Variants in GABRB1 observed in about 807,000 individuals in gnomAD.
GABRB1 encodes the protein gamma-aminobutyric acid type A receptor subunit beta1.
Under a neutral mutation model 51.6 loss-of-function variants are expected in GABRB1, and 17 were observed. The ratio of observed to expected loss-of-function variants is 0.33; its 90% CI spans 0.23 to 0.49. The LOEUF is 0.49. Among genes scored for constraint, GABRB1 ranks in the 20% least tolerant of loss-of-function variants. GABRB1 has a pLI of 0.99. For synonymous variants in GABRB1, 247 were observed against 218.9 expected (o/e 1.13, Z -1.14); for missense variants, 410 against 600.6 (o/e 0.68, Z 3.32).
At chr4:47,405,652 C>A (rs1034191769) in intron 7 of GABRB1, among the ~76,000 whole-genome samples, 1 of 152,092 alleles carries the variant, frequency 6.6e-6, no homozygotes, top group African/African-American at 2.4e-5. Context: ...AATATACACT[C>A]CCTATCATTT....
chr4:46,997,722 A>G (rs911690572), intron 1 of GABRB1, among the ~76,000 whole-genome samples: 1 of 149,920 alleles, frequency 6.7e-6, no homozygotes, highest in Admixed American at 6.8e-5. Context: ...ATGTGTGTGT[A>G]TATATATGTA....
intron 5 of GABRB1, among the ~76,000 whole-genome samples, chr4:47,374,534 C>T (rs1440200561): frequency 2.6e-5 from 4 of 152,140 alleles, no homozygotes; most frequent in African/African-American, 4.8e-5. Flanking sequence ...AGTAGAGTAG[C>T]GAGGGGAACT....
chr4:47,188,736 C>T (rs1719299791), intron 4 of GABRB1, among the ~76,000 whole-genome samples: 1 of 151,922 alleles, frequency 6.6e-6, no homozygotes, highest in Non-Finnish European at 1.5e-5. Context: ...AACATTTAAT[C>T]AACTAACATG....
intron 3 of GABRB1, among the ~76,000 whole-genome samples, chr4:47,093,845 G>C (rs77715242): frequency 1.3e-5 from 2 of 152,202 alleles, no homozygotes; most frequent in East Asian, 3.9e-4. Flanking sequence ...TTTATTATCC[G>C]AAAATTCCCT....
intron 4 of GABRB1, among the ~76,000 whole-genome samples, chr4:47,187,888 G>A (rs1719253772): frequency 6.6e-6 from 1 of 151,844 alleles, no homozygotes; most frequent in South Asian, 2.1e-4. Flanking sequence ...TTACCCGGAA[G>A]GCTCTTTCTC....
intron 4 of GABRB1, among the ~76,000 whole-genome samples, chr4:47,179,181 G>T (rs564627247): frequency 2.1e-4 from 32 of 152,034 alleles, no homozygotes; most frequent in African/African-American, 7.2e-4. Context: ...TGCTCTCATT[G>T]TTCACCTCCC....
chr4:47,354,995 T>TTTTTTTTG (rs1726509352), intron 5 of GABRB1, among the ~76,000 whole-genome samples: 1 of 138,936 alleles, frequency 7.2e-6, no homozygotes, highest in Non-Finnish European at 1.6e-5. Flanking sequence ...TTTTTTTTTT[T>TTTTTTTTG]TTTTTTTTTT....
chr4:47,305,891 G>T (rs1703195101), intron 4 of GABRB1, among the ~76,000 whole-genome samples: 1 of 152,056 alleles, frequency 6.6e-6, no homozygotes, highest in Non-Finnish European at 1.5e-5. Context: ...GAGTGTAAGT[G>T]GAGATATTTT....
intron 4 of GABRB1, among the ~76,000 whole-genome samples, chr4:47,187,791 TTA>T (rs1719248560): frequency 6.6e-6 from 1 of 151,900 alleles, no homozygotes; most frequent in African/African-American, 2.4e-5. Flanking sequence ...AACTTCCCTT[TTA>T]TCACTTCAAT....
At chr4:47,037,528 GT>G (rs1399892030) in intron 3 of GABRB1, among the ~76,000 whole-genome samples, 3 of 136,060 alleles carry the variant, frequency 2.2e-5, no homozygotes, top group Admixed American at 7.8e-5. Flanking sequence ...ATATATATTC[GT>G]TTTTTTTTGT....
At chr4:47,390,992 A>G (rs967194185) in intron 5 of GABRB1, among the ~76,000 whole-genome samples, 1 of 152,082 alleles carries the variant, frequency 6.6e-6, no homozygotes, top group Non-Finnish European at 1.5e-5. Flanking sequence ...CCTGGCCAAC[A>G]TGGTGAAACC....
rs191035431 is a variant in GABRB1 at position 47,083,416 on chromosome 4, A to G, written c.240+50932A>G. On this transcript the variant is annotated intron_variant, in intron 3 of 8. Transcript: ENST00000295454. Reference sequence around the variant, plus strand: ...AGCTTATCTGAAATTCTTTTCATTTATGGCGACTTACAGATTTTCATGTCC... The same window carrying G: ...AGCTTATCTGAAATTCTTTTCATTTGTGGCGACTTACAGATTTTCATGTCC... 5.6e-4 allele frequency among the ~76,000 whole-genome samples: 86 copies of G among 152,294 alleles called. 1 individual carries two copies. Among genetic ancestry groups the G allele is most frequent in the East Asian group, 2.5e-3 (13 of 5,188 alleles).
intron 4 of GABRB1, among the ~76,000 whole-genome samples, chr4:47,307,339 A>G (rs1317158416): frequency 2.6e-5 from 4 of 152,108 alleles, no homozygotes; most frequent in Non-Finnish European, 5.9e-5. Context: ...GGTCATTTTT[A>G]GGGATTTATG....
intron 4 of GABRB1, among the ~76,000 whole-genome samples, chr4:47,288,100 A>G (rs1455133171): frequency 6.6e-6 from 1 of 152,058 alleles, no homozygotes; most frequent in Non-Finnish European, 1.5e-5. Flanking sequence ...TAATTTTTGG[A>G]GTAATTTGTT....
chr4:47,023,805 C>T (rs1263520958), intron 1 of GABRB1, among the ~76,000 whole-genome samples: 1 of 151,890 alleles, frequency 6.6e-6, no homozygotes, highest in Non-Finnish European at 1.5e-5. Flanking sequence ...TGTGTACCAA[C>T]ACAAATTAAA....
chr4:47,088,381 G>T (rs976375416), intron 3 of GABRB1, among the ~76,000 whole-genome samples: 1 of 152,168 alleles, frequency 6.6e-6, no homozygotes, highest in African/African-American at 2.4e-5. Flanking sequence ...GATACAGGAG[G>T]CCTCTCTAAG....
chr4:47,005,507 G>T lies in GABRB1; in HGVS notation c.-20+11581G>T, dbSNP rs141424244. ...AATGTCAGTGTATGCTGAAAATGCA[G>T]CAAACCTGTGGTTTGAGCACAGTAT... On this transcript the variant is annotated intron_variant, in intron 1 of 3. Transcript: ENST00000513567. Among the ~76,000 whole-genome samples, 558 of 152,082 alleles carry T rather than the reference G, an allele frequency of 3.7e-3. 4 individuals are homozygous for T. Among genetic ancestry groups the T allele is most frequent in the Middle Eastern group, 0.014 (4 of 294 alleles).
chr4:47,016,837 A>G (rs1367292781), intron 1 of GABRB1, among the ~76,000 whole-genome samples: 1 of 152,024 alleles, frequency 6.6e-6, no homozygotes, highest in African/African-American at 2.4e-5. Context: ...TGATCCACTG[A>G]CCTCAGTCTC....
intron 3 of GABRB1, among the ~76,000 whole-genome samples, chr4:47,146,155 G>A (rs1056447602): frequency 1.3e-5 from 2 of 151,834 alleles, no homozygotes; most frequent in Non-Finnish European, 2.9e-5. Context: ...GTCTGAGCTG[G>A]GATTCAATTT....
Sources: allele counts gnomAD v4.1 joint callset (sites outside exome capture counted in the v4.1 genomes callset), GRCh38; gene constraint gnomAD v4.1.1; transcripts MANE v1.5; gene names NCBI Gene and HGNC (gene_info 2026-07-23, HGNC 2026-07-21).